PHLDB2: variants seen among roughly 807,000 people sequenced by gnomAD.
PHLDB2 encodes pleckstrin homology-like domain family B member 2.
A neutral mutation model predicts 123.6 loss-of-function variants in PHLDB2; 71 were observed. The observed-to-expected ratio is 0.57, with a 90% CI of 0.47 to 0.70. The LOEUF (loss-of-function observed/expected upper bound fraction) is 0.70, where lower values mean the gene tolerates loss of function less well. PHLDB2 is among the 30% of genes least tolerant of loss of function. The probability of loss-of-function intolerance (pLI) is 0.00; values close to 1 mark genes in which losing one functional copy is unlikely to be tolerated. For synonymous variants in PHLDB2, 547 were observed against 541.6 expected (o/e 1.01, Z -0.14); for missense variants, 1,446 against 1,519.5 (o/e 0.95, Z 0.80).
At position 111,884,646 on chromosome 3, in the gene PHLDB2, C is replaced by T. The variant is rs148748786; in HGVS notation, c.569C>T (p.Pro190Leu). ...GGAAGTTCCCTGAGTGATGCTGGCC[C>T]GCCTCCTATCAGCAGATCGGGAGCC... ...WNGSSLSDAG[P>L]PPISRSGAAS... The change falls in exon 2 of 18, where the codon CCG becomes CTG. Residue 190 changes from proline (P) to leucine (L), a missense_variant. Pro to Leu is a moderately conservative substitution (Grantham distance 98). Coordinates refer to ENST00000431670, the MANE Select transcript of PHLDB2 (RefSeq NM_001134438.2). The T allele has an allele frequency of 3.8e-4, 615 of 1,614,108 alleles. 3 individuals are homozygous for T. In the African/African-American group the frequency reaches 5.8e-3, roughly 15 times the overall value.
intron 1 of PHLDB2, among the ~76,000 whole-genome samples, chr3:111,840,508 G>A (rs1039309): frequency 0.98 from 149,531 of 152,298 alleles, 73,467 homozygotes; most frequent in East Asian, 1. Context: ...ATGGCTTGTA[G>A]TCTTGTTTAC....
At chr3:111,839,391 A>T (rs2055363) in intron 1 of PHLDB2, among the ~76,000 whole-genome samples, 1 of 152,144 alleles carries the variant, frequency 6.6e-6, no homozygotes, top group Non-Finnish European at 1.5e-5. Context: ...TTCTTGGAAG[A>T]GTTACACATT....
intron 2 of PHLDB2, among the ~76,000 whole-genome samples, chr3:111,848,694 G>A (rs1392279042): frequency 6.6e-6 from 1 of 152,206 alleles, no homozygotes; most frequent in Non-Finnish European, 1.5e-5. Flanking sequence ...GGGACCACAT[G>A]TACAACAGTG....
chr3:111,874,691 C>T (rs2065516965), intron 1 of PHLDB2, among the ~76,000 whole-genome samples: 1 of 152,174 alleles, frequency 6.6e-6, no homozygotes, highest in Non-Finnish European at 1.5e-5. Context: ...GACATAGCCA[C>T]ACCTAACCTC....
chr3:111,901,221 G>T (rs1399118730), intron 2 of PHLDB2, among the ~76,000 whole-genome samples: 1 of 148,930 alleles, frequency 6.7e-6, no homozygotes, highest in Non-Finnish European at 1.5e-5. Flanking sequence ...TTAGCCAGAC[G>T]TGGTGGCACA....
At chr3:111,965,001 C>A (rs9876491) in intron 13 of PHLDB2, among the ~76,000 whole-genome samples, 2 of 152,018 alleles carry the variant, frequency 1.3e-5, no homozygotes, top group Non-Finnish European at 2.9e-5. Context: ...TAATTTTATG[C>A]CCTTATACGT....
intron 1 of PHLDB2, among the ~76,000 whole-genome samples, chr3:111,869,707 G>C (rs557126274): frequency 1.3e-4 from 3 of 22,814 alleles, no homozygotes; most frequent in African/African-American, 1.2e-4. Flanking sequence ...GTCTGTCTCT[G>C]TGTGTGTGTG....
At chr3:111,889,660 C>T (rs1448819155) in intron 2 of PHLDB2, among the ~76,000 whole-genome samples, 1 of 152,122 alleles carries the variant, frequency 6.6e-6, no homozygotes, top group East Asian at 1.9e-4. Context: ...CATGATCATG[C>T]CACTGAACTC....
intron 1 of PHLDB2, among the ~76,000 whole-genome samples, chr3:111,844,412 A>G (rs74505171): frequency 0.1 from 15,462 of 152,132 alleles, 1,024 homozygotes; most frequent in South Asian, 0.17. Context: ...TTCTGTTCGT[A>G]GATAATGGCA....
At chr3:111,769,116 A>G (rs1387550010) in intron 1 of PHLDB2, among the ~76,000 whole-genome samples, 2 of 152,140 alleles carry the variant, frequency 1.3e-5, no homozygotes, top group African/African-American at 2.4e-5. Flanking sequence ...TTATTTATCA[A>G]CTGAGAGCAG....
intron 1 of PHLDB2, among the ~76,000 whole-genome samples, chr3:111,754,108 G>C (rs1459725761): frequency 1.3e-5 from 2 of 151,908 alleles, no homozygotes; most frequent in African/African-American, 4.8e-5. Context: ...TGTTCTTTTG[G>C]CTTAGGATTG....
chr3:111,839,658 T>G (rs2063579417), intron 1 of PHLDB2, among the ~76,000 whole-genome samples: 2 of 152,192 alleles, frequency 1.3e-5, no homozygotes. Context: ...TCGATTTTTT[T>G]CTTTTTTAAT....
chr3:111,933,023 ATTC>A (rs1271215686), intron 6 of PHLDB2, among the ~76,000 whole-genome samples: 1 of 152,254 alleles, frequency 6.6e-6, no homozygotes, highest in African/African-American at 2.4e-5. Flanking sequence ...TTATCAAGTT[ATTC>A]TTTGATCCTT....
intron 1 of PHLDB2, among the ~76,000 whole-genome samples, chr3:111,816,281 A>G (rs2062073793): frequency 6.6e-6 from 1 of 152,094 alleles, no homozygotes; most frequent in African/African-American, 2.4e-5. Context: ...AGACCCCAGA[A>G]TGGTAGATCC....
chr3:111,897,013 G>T (rs1336171076), intron 2 of PHLDB2, among the ~76,000 whole-genome samples: 1 of 152,142 alleles, frequency 6.6e-6, no homozygotes, highest in East Asian at 1.9e-4. Context: ...TCAGAGCTAG[G>T]ATATTGACAT....
At chr3:111,844,029 G>T (rs1169909748) in intron 1 of PHLDB2, among the ~76,000 whole-genome samples, 3 of 151,862 alleles carry the variant, frequency 2.0e-5, no homozygotes, top group Non-Finnish European at 4.4e-5. Flanking sequence ...ACCTACATTG[G>T]CATCTACCCT....
chr3:111,815,982 G>A (rs4353782), intron 1 of PHLDB2, among the ~76,000 whole-genome samples: 51,015 of 152,024 alleles, frequency 0.34, 9,010 homozygotes, highest in East Asian at 0.42. Flanking sequence ...ATAGAGCTTG[G>A]GCCATGGCTT....
chr3:111,749,834 CAAT>C (rs1226283783), intron 1 of PHLDB2, among the ~76,000 whole-genome samples: 1 of 152,188 alleles, frequency 6.6e-6, no homozygotes, highest in Non-Finnish European at 1.5e-5. Context: ...ATTAATATAA[CAAT>C]GATGTCAAGA....
At chr3:111,740,899 T>TAAA (rs372089397) in intron 1 of PHLDB2, among the ~76,000 whole-genome samples, 2 of 126,486 alleles carry the variant, frequency 1.6e-5, no homozygotes, top group African/African-American at 5.9e-5. Context: ...CCCATCAAGT[T>TAAA]AAAAAAAAAA....
Sources: gnomAD v4.1 joint callset for allele counts (sites outside exome capture counted in the v4.1 genomes callset) on GRCh38, gnomAD v4.1.1 for gene constraint, MANE v1.5 for transcripts, NCBI Gene and HGNC (gene_info 2026-07-23, HGNC 2026-07-21) for gene names.